Variants in TTC6 observed in about 807,000 individuals in gnomAD.
TTC6 encodes the protein tetratricopeptide repeat protein 6.
In TTC6, 172 loss-of-function variants were observed where a neutral mutation model predicts 210.4. The ratio of observed to expected loss-of-function variants is 0.82; its 90% CI spans 0.72 to 0.93. The LOEUF (loss-of-function observed/expected upper bound fraction) is 0.93, where lower values mean the gene tolerates loss of function less well. Among genes scored for constraint, TTC6 ranks in the 40% least tolerant of loss-of-function variants. The probability of loss-of-function intolerance (pLI) is 0.00; values close to 1 mark genes in which losing one functional copy is unlikely to be tolerated. For missense variants in TTC6, 2,414 were observed against 2,318.1 expected (o/e 1.04, Z -0.85); for synonymous variants, 804 against 819.6 (o/e 0.98, Z 0.32).
intron 1 of TTC6, among the ~76,000 whole-genome samples, chr14:37,665,560 A>G (rs926282618): frequency 6.6e-6 from 1 of 150,390 alleles, no homozygotes; most frequent in African/African-American, 2.4e-5. Flanking sequence ...CTTAATACCT[A>G]GGTGATGAGA....
intron 29 of TTC6, among the ~76,000 whole-genome samples, chr14:37,834,069 C>A (rs1042763797): frequency 3.3e-5 from 5 of 152,180 alleles, no homozygotes; most frequent in Non-Finnish European, 7.4e-5. Flanking sequence ...GTTAGTCTGA[C>A]AGAAATTCCT....
chr14:37,806,818 G>C (rs2096119432), intron 22 of TTC6, among the ~76,000 whole-genome samples: 1 of 152,116 alleles, frequency 6.6e-6, no homozygotes, highest in South Asian at 2.1e-4. Flanking sequence ...ATGTTACATA[G>C]ATTCCTGCCT....
At chr14:37,748,191 C>T (rs1286394856) in intron 10 of TTC6, among the ~76,000 whole-genome samples, 1 of 152,102 alleles carries the variant, frequency 6.6e-6, no homozygotes, top group South Asian at 2.1e-4. Flanking sequence ...GAATAGATAA[C>T]TTATGAAAGT....
intron 13 of TTC6, among the ~76,000 whole-genome samples, chr14:37,752,877 T>G (rs1042130261): frequency 7.6e-5 from 11 of 143,916 alleles, no homozygotes; most frequent in African/African-American, 2.0e-4. Context: ...TATATGCCGG[T>G]TTTTTTTTTC....
chr14:37,830,186 G>T lies in TTC6; in HGVS notation c.5298+2820G>T, dbSNP rs549559815. On this transcript the variant is annotated intron_variant, in intron 29 of 30. Coordinates refer to ENST00000553443, the Ensembl canonical transcript of TTC6. Reference sequence around the variant, plus strand: ...CTTGTAAGTGCTGCTTTCTTTTCTGGTGGTATATGTTGGTGTCAAGAAGCA... The same window carrying T: ...CTTGTAAGTGCTGCTTTCTTTTCTGTTGGTATATGTTGGTGTCAAGAAGCA... 2.6e-5 allele frequency among the ~76,000 whole-genome samples: 4 copies of T among 152,034 alleles called. No individual in the cohort carries two copies. In the South Asian group the frequency reaches 8.3e-4, roughly 32 times the overall value.
chr14:37,648,037 C>T lies in TTC6; in HGVS notation c.939+25034C>T, dbSNP rs561568916. On this transcript the variant is annotated intron_variant, in intron 1 of 30. Transcript: ENST00000553443. ...ACACACACACACACACGTTCACACCCCTCCCCATCTTATAAATTTTATTGC... is the reference window on the plus strand; with the variant it reads ...ACACACACACACACACGTTCACACCTCTCCCCATCTTATAAATTTTATTGC... Among the ~76,000 whole-genome samples the T allele has an allele frequency of 2.0e-5, 3 of 152,232 alleles. No individual in the cohort carries two copies. In the East Asian group the frequency reaches 5.8e-4, roughly 29 times the overall value.
intron 6 of TTC6, among the ~76,000 whole-genome samples, chr14:37,719,335 T>G (rs2095857642): frequency 2.0e-5 from 3 of 152,176 alleles, no homozygotes; most frequent in Admixed American, 1.3e-4. Flanking sequence ...GGCTTTTTTT[T>G]TTGTACATGT....
chr14:37,682,161 T>A (rs1026713694), intron 2 of TTC6, among the ~76,000 whole-genome samples: 1 of 152,098 alleles, frequency 6.6e-6, no homozygotes, highest in African/African-American at 2.4e-5. Flanking sequence ...ACTAATTTTT[T>A]TTTTTTTGGT....
At chr14:37,790,972 T>A in intron 16 of TTC6, 135 bp downstream of exon 18, 1 of 694,548 alleles carries the variant, frequency 1.4e-6, no homozygotes, top group Non-Finnish European at 2.3e-6. Flanking sequence ...ATCCTAGAAT[T>A]AGAATACTAC....
At chr14:37,622,594 G>A in exon 1 of TTC6, 1 of 1,534,342 alleles carries the variant, frequency 6.5e-7, no homozygotes, top group Non-Finnish European at 8.7e-7. Flanking sequence ...GCTCCCAGGC[G>A]GGTCTTCCAC....
chr14:37,776,011 C>G (rs1394153132), intron 14 of TTC6, among the ~76,000 whole-genome samples: 2 of 149,220 alleles, frequency 1.3e-5, no homozygotes, highest in African/African-American at 4.9e-5. Context: ...CGATGGGTGT[C>G]ATTGCATTTG....
intron 7 of TTC6, among the ~76,000 whole-genome samples, chr14:37,725,684 A>G (rs2095871764): frequency 6.6e-6 from 1 of 152,034 alleles, no homozygotes; most frequent in Admixed American, 6.6e-5. Context: ...TATTTAAAAA[A>G]TGTTATACTT....
intron 1 of TTC6, among the ~76,000 whole-genome samples, chr14:37,648,260 T>G (rs1480777352): frequency 6.6e-6 from 1 of 152,216 alleles, no homozygotes; most frequent in East Asian, 1.9e-4. Context: ...TGTTGTTCAC[T>G]ATAGCTTTAT....
chr14:37,667,218 G>C (rs558024198), intron 1 of TTC6, among the ~76,000 whole-genome samples: 7 of 150,226 alleles, frequency 4.7e-5, no homozygotes, highest in African/African-American at 1.7e-4. Context: ...GATTAGATTG[G>C]GGGAGAAGGA....
At chr14:37,682,873 C>T (rs764394901) in exon 3 of TTC6, 68 of 1,535,508 alleles carry the variant, frequency 4.4e-5, no homozygotes, top group Non-Finnish European at 4.9e-5. Context: ...CAGGAAATTT[C>T]GCAAGTTCAG....
At chr14:37,749,259 T>C (rs1338921792) in exon 11 of TTC6, 1 of 1,527,426 alleles carries the variant, frequency 6.5e-7, no homozygotes, top group South Asian at 1.2e-5. Context: ...CAAGAGGTCA[T>C]TAAATATTAT....
Position 37,623,122 on chromosome 14 carries a change from A to T in TTC6, c.939+119A>T, listed in dbSNP as rs902412674. On this transcript the variant is annotated intron_variant, in intron 1 of 30. Coordinates refer to ENST00000553443, the Ensembl canonical transcript of TTC6. ...TGCATAAGGTGTCATGTATTATAACACAAAAACACTGGGGTGTTATTCAAC... is the reference window on the plus strand; with the variant it reads ...TGCATAAGGTGTCATGTATTATAACTCAAAAACACTGGGGTGTTATTCAAC... 5.8e-6 allele frequency: 4 copies of T among 688,802 alleles called. No homozygotes were observed. The African/African-American group carries it at 7.5e-5, about 13-fold the overall frequency. The allele number at this position is 688,802 out of a possible 1,614,324, so 42.7% of individuals were successfully genotyped here.
Position 37,607,358 on chromosome 14 carries a change from C to CT in TTC6, c.-155+620dup. On this transcript the variant is annotated intron_variant, in intron 2 of 2. Coordinates refer to the TTC6 transcript ENST00000556845. The stretch of plus-strand genomic sequence containing the variant: ...AGAACATTAAGTCTAGAGCTCAGTC[C>CT]TTTTCAGGTCTGTGTCTGGCAACAA... Among the ~76,000 whole-genome samples, 3 of 152,260 alleles carry CT rather than the reference C, an allele frequency of 2.0e-5. No individual in the cohort carries two copies. In the East Asian group the frequency reaches 5.8e-4, roughly 29 times the overall value.
intron 1 of TTC6, among the ~76,000 whole-genome samples, chr14:37,655,687 A>G (rs1334525392): frequency 6.6e-6 from 1 of 152,230 alleles, no homozygotes; most frequent in East Asian, 1.9e-4. Flanking sequence ...CCAACAGAGG[A>G]CAATGAAATA....
Sources: allele counts gnomAD v4.1 joint callset (sites outside exome capture counted in the v4.1 genomes callset), GRCh38; gene constraint gnomAD v4.1.1; transcripts MANE v1.5; gene names NCBI Gene and HGNC (gene_info 2026-07-23, HGNC 2026-07-21).